The following LRRC9 variants were observed in gnomAD, a reference collection of about 807,000 sequenced individuals.
LRRC9 encodes the protein leucine-rich repeat-containing protein 9.
In LRRC9, 122 loss-of-function variants were observed where a neutral mutation model predicts 63.2. The ratio of observed to expected loss-of-function variants is 1.93; its 90% CI spans 1.67 to 2.24. The LOEUF (loss-of-function observed/expected upper bound fraction) is 2.24. Ranked by LOEUF, LRRC9 falls within the 30% of genes most tolerant of loss-of-function variation. The pLI, the probability that LRRC9 is intolerant of heterozygous loss-of-function variation, is 0.00. For missense variants in LRRC9, 1,071 were observed against 627.7 expected (o/e 1.71, Z -7.55); for synonymous variants, 366 against 213.1 (o/e 1.72, Z -6.25).
At chr14:59,998,276 C>T (rs796730230) in intron 18 of LRRC9, among the ~76,000 whole-genome samples, 35 of 152,096 alleles carry the variant, frequency 2.3e-4, no homozygotes, top group African/African-American at 8.4e-4. Flanking sequence ...GGTTGAACAA[C>T]ATGTTTTACA....
chr14:59,982,683 T>C (rs989380241), intron 16 of LRRC9, among the ~76,000 whole-genome samples: 1 of 152,228 alleles, frequency 6.6e-6, no homozygotes, highest in African/African-American at 2.4e-5. Context: ...AGCACCTGCA[T>C]ATCTAAACTA....
intron 17 of LRRC9, among the ~76,000 whole-genome samples, chr14:59,992,677 C>A (rs959943517): frequency 6.6e-6 from 1 of 152,000 alleles, no homozygotes; most frequent in Non-Finnish European, 1.5e-5. Context: ...AGCTTAGTAG[C>A]CAATTCGATC....
downstream of LRRC9, among the ~76,000 whole-genome samples, chr14:60,064,646 C>A (rs1894838003): frequency 6.6e-6 from 1 of 152,122 alleles, no homozygotes; most frequent in South Asian, 2.1e-4. Context: ...GAAATAGGAT[C>A]TTTTGTTTAA....
intron 13 of LRRC9, among the ~76,000 whole-genome samples, chr14:59,975,199 A>AT (rs1886140147): frequency 7.1e-6 from 1 of 141,184 alleles, no homozygotes; most frequent in African/African-American, 2.6e-5. Context: ...CGAACACCAA[A>AT]TTCACAGGAA....
At chr14:59,980,580 G>C (rs1886823094) in intron 15 of LRRC9, among the ~76,000 whole-genome samples, 1 of 151,988 alleles carries the variant, frequency 6.6e-6, no homozygotes, top group African/African-American at 2.4e-5. Context: ...ACTTAATTTG[G>C]TGTGAACTGA....
chr14:59,955,818 C>A (rs898879548), intron 8 of LRRC9, among the ~76,000 whole-genome samples: 10 of 152,090 alleles, frequency 6.6e-5, no homozygotes, highest in Admixed American at 3.9e-4. Context: ...TAGCTGTGTC[C>A]CAGAGATTCT....
chr14:60,037,305 G>A (rs889512286), intron 29 of LRRC9, among the ~76,000 whole-genome samples: 8 of 152,098 alleles, frequency 5.3e-5, no homozygotes, highest in South Asian at 4.1e-4. Flanking sequence ...TGGGTCAAAC[G>A]GTATTTCTAG....
chr14:59,961,112 T>C (rs1031999247), intron 10 of LRRC9, 67 bp downstream of exon 10: 4 of 492,762 alleles, frequency 8.1e-6, no homozygotes, highest in African/African-American at 7.9e-5. Context: ...TCAACCAGAA[T>C]ATCAACTTAT....
At chr14:60,006,668 T>C in intron 22 of LRRC9, 51 bp downstream of exon 22, 2 of 556,356 alleles carry the variant, frequency 3.6e-6, no homozygotes, top group Middle Eastern at 4.4e-4. Context: ...ATTGTTTCTT[T>C]ATATTATGAA....
intron 9 of LRRC9, among the ~76,000 whole-genome samples, chr14:59,960,469 T>C (rs562109565): frequency 6.6e-6 from 1 of 152,232 alleles, no homozygotes; most frequent in Non-Finnish European, 1.5e-5. Context: ...TAAATTAGTG[T>C]GCCCTGTGAT....
chr14:60,048,946 G>C (rs940858483), intron 29 of LRRC9, among the ~76,000 whole-genome samples: 1 of 152,058 alleles, frequency 6.6e-6, no homozygotes, highest in African/African-American at 2.4e-5. Flanking sequence ...TGATCAAGTT[G>C]GCTTCATCCC....
At chr14:59,994,453 T>C (rs1283897372) in intron 17 of LRRC9, among the ~76,000 whole-genome samples, 5 of 152,188 alleles carry the variant, frequency 3.3e-5, no homozygotes, top group East Asian at 1.9e-4. Flanking sequence ...GTCAGTGTGG[T>C]GATTCCTCAG....
chr14:59,981,482 G>T (rs953820873), intron 15 of LRRC9, among the ~76,000 whole-genome samples: 1 of 152,106 alleles, frequency 6.6e-6, no homozygotes, highest in African/African-American at 2.4e-5. Context: ...GATTTTAAAA[G>T]TGTTTATCTC....
intron 29 of LRRC9, among the ~76,000 whole-genome samples, chr14:60,045,252 C>CT (rs935189752): frequency 4.6e-5 from 7 of 151,632 alleles, no homozygotes; most frequent in East Asian, 1.9e-4. Flanking sequence ...TTCTTTCTTT[C>CT]TTTTTTAAAA....
At chr14:59,997,834 A>G (rs1264273778) in exon 18 of LRRC9, 1 of 695,822 alleles carries the variant, frequency 1.4e-6, no homozygotes, top group South Asian at 1.5e-5. Context: ...ATTCAACATA[A>G]TCCATGGCAA....
chr14:59,927,995 A>G lies in LRRC9; in HGVS notation c.48+4A>G, dbSNP rs772461616. 2.2e-5 allele frequency: 15 copies of G among 679,030 alleles called. No homozygotes were observed. The South Asian group carries it at 2.3e-4, about 10-fold the overall frequency. The allele number at this position is 679,030 out of a possible 1,614,324, so 42.1% of individuals were successfully genotyped here. A position where few individuals can be genotyped will look rare whatever the true frequency, so the allele number is the denominator to read the frequency against. ...AGAAGAAATAATTAAAGAACTGGTG[A>G]GTCAAAGTCAAATTTCTTTTAAATA... On this transcript the variant is annotated splice_donor_region_variant and intron_variant, in intron 2 of 31. Transcript: ENST00000445360. The surrounding 1 kb of genome is among the most constrained non-coding windows in gnomAD (Gnocchi z 4.4).
In LRRC9 at chr14:60,003,813, A is replaced by C. The variant is rs1436773097; in HGVS notation, c.2842+15A>C. On this transcript the variant is annotated intron_variant, in intron 21 of 31. Transcript: ENST00000445360. The surrounding 1 kb of genome is among the most constrained non-coding windows in gnomAD (Gnocchi z 4.2). ...AAAGATAGAAGGTAAGGTACTTAAG[A>C]ACTTTGAAGTCTCAAAATATGGGAT... 2 of 558,292 alleles carry C rather than the reference A, an allele frequency of 3.6e-6. No individual in the cohort carries two copies. Among genetic ancestry groups the C allele is most frequent in the East Asian group, 6.3e-5 (2 of 31,618 alleles). The allele number at this position is 558,292 out of a possible 1,614,324, so 34.6% of individuals were successfully genotyped here.
chr14:59,937,003 T>C (rs1419998341), intron 6 of LRRC9, among the ~76,000 whole-genome samples: 1 of 151,920 alleles, frequency 6.6e-6, no homozygotes, highest in African/African-American at 2.4e-5. Flanking sequence ...CCCTCCTACC[T>C]CAGGCACCAT....
At chr14:59,997,662 C>T (rs1888939940) in exon 18 of LRRC9, 3 of 691,810 alleles carry the variant, frequency 4.3e-6, no homozygotes, top group Non-Finnish European at 7.9e-6. Flanking sequence ...GCAGTATAAC[C>T]TTGAATATTT....
Sources: allele counts gnomAD v4.1 joint callset (sites outside exome capture counted in the v4.1 genomes callset), GRCh38; gene constraint gnomAD v4.1.1; non-coding constraint Gnocchi (gnomAD v3.1); transcripts MANE v1.5; gene names NCBI Gene and HGNC (gene_info 2026-07-23, HGNC 2026-07-21).